SNAI2: variants seen among roughly 807,000 people sequenced by gnomAD.
SNAI2 encodes snail family transcriptional repressor 2.
SNAI2 carries 2 observed loss-of-function variants against 22.4 expected under a neutral mutation model. The observed-to-expected ratio is 0.09, with a 90% CI of 0.04 to 0.28. The LOEUF (loss-of-function observed/expected upper bound fraction) is 0.28, where lower values mean the gene tolerates loss of function less well. SNAI2 is among the 10% of genes least tolerant of loss of function. SNAI2 has a pLI of 1.00. For missense variants in SNAI2, 239 were observed against 320.8 expected, an observed-to-expected ratio of 0.75 and a Z score of 1.95; for synonymous variants, 134 against 123.0, an observed-to-expected ratio of 1.09 and a Z score of -0.59.
At position 48,920,133 on chromosome 8, in the gene SNAI2, A is replaced by G. The variant is rs1218100937; in HGVS notation, c.388T>C (p.Cys130Arg). The change falls in exon 2 of 3, where the codon TGC becomes CGC. Residue 130 changes from cysteine (C) to arginine (R), a missense_variant. Cys to Arg is a radical substitution (Grantham distance 180, BLOSUM62 -3). Coordinates refer to ENST00000020945, the MANE Select transcript of SNAI2 (RefSeq NM_003068.5). ...GAATAGGTCTTATTGCATAAATTGC[A>G]CTGAAACTTTTCAGCTTCAATGGCA... ...PHAIEAEKFQ[C>R]NLCNKTYSTF... is the part of the protein sequence containing the mutation. 1 of 1,614,236 alleles carries G rather than the reference A, an allele frequency of 6.2e-7. No individual in the cohort carries two copies. Among genetic ancestry groups the G allele is most frequent in the South Asian group, 1.1e-5 (1 of 91,086 alleles).
At chr8:48,920,589 C>T in intron 1 of SNAI2, 148 bp from the exon 2 acceptor site, 1 of 742,114 alleles carries the variant, frequency 1.3e-6, no homozygotes, top group Admixed American at 2.1e-5. Flanking sequence ...AGGGCATACA[C>T]ACTGGTAAAA....
At position 48,918,885 on chromosome 8, in the gene SNAI2, G is replaced by A. The variant is rs886062985; in HGVS notation, c.729C>T (p.Cys243=). 6.2e-7 allele frequency: 1 copy of A among 1,614,072 alleles called. No homozygotes were observed. Among genetic ancestry groups the A allele is most frequent in the Admixed American group, 1.7e-5 (1 of 60,018 alleles). ...TGGAGAAGGTTTTGGAGCAGTTTTT[G>A]CACTGGTATTTCTTTACATCAGAAT... The part of the protein sequence containing the change: ...QTHSDVKKYQ[C]KNCSKTFSRM... Residue 243 remains cysteine, a synonymous_variant, in exon 3 of 3, where the codon TGC becomes TGT. Coordinates refer to ENST00000020945, the MANE Select transcript of SNAI2 (RefSeq NM_003068.5).
In SNAI2 at chr8:48,918,266, T is replaced by TA. The variant is rs1411829981; in HGVS notation, c.*540dup. 1.3e-5 allele frequency: 2 copies of TA among 153,202 alleles called. No homozygotes were observed. Among genetic ancestry groups the TA allele is most frequent in the Non-Finnish European group, 2.9e-5 (2 of 68,712 alleles). 9.5% of individuals were successfully genotyped at this position (153,202 alleles called of 1,614,324 possible). ...ATTTTTTTCCTCCCTTTTAAAAATA[T>TA]ACTTTAAAGCACTACAGGTAATCAA... On this transcript the variant is annotated 3_prime_UTR_variant, in exon 3 of 3. Transcript: ENST00000020945.
intron 2 of SNAI2, 61 bp from the exon 3 acceptor site, chr8:48,919,049 T>C: frequency 6.6e-7 from 1 of 1,517,050 alleles, no homozygotes; most frequent in South Asian, 1.1e-5. Context: ...AAACATAAAG[T>C]AAAATCATGT....
At chr8:48,919,846 G>A (rs754010367) in intron 2 of SNAI2, 50 bp downstream of exon 2, 1 of 1,572,478 alleles carries the variant, frequency 6.4e-7, no homozygotes, top group South Asian at 1.1e-5. Context: ...GCCAGCCCAG[G>A]GCTTCATTGT....
chr8:48,920,026 G>T lies in SNAI2; in HGVS notation c.495C>A (p.Asp165Glu). The T allele has an allele frequency of 6.2e-7, 1 of 1,614,226 alleles. No individual in the cohort carries two copies. Among genetic ancestry groups the T allele is most frequent in the Non-Finnish European group, 8.5e-7 (1 of 1,180,046 alleles). The change falls in exon 2 of 3, where the codon GAC (aspartate) becomes GAA (glutamate). Residue 165 changes from aspartate (D) to glutamate (E), a missense_variant. Transcript: ENST00000020945. ...GGGCGCCCAGGCTCACATATTCCTT[G>T]TCACAGTATTTACAGCTGAAAGATT... is the stretch of plus-strand genomic sequence containing the variant. The part of the protein sequence containing the change: ...SRKSFSCKYC[D>E]KEYVSLGALK...
At chr8:48,919,845 G>A in intron 2 of SNAI2, 51 bp downstream of exon 2, 1 of 1,573,022 alleles carries the variant, frequency 6.4e-7, no homozygotes, top group Non-Finnish European at 8.7e-7. Flanking sequence ...AGCCAGCCCA[G>A]GGCTTCATTG....
intron 2 of SNAI2, 57 bp from the exon 3 acceptor site, chr8:48,919,045 A>C: frequency 6.5e-7 from 1 of 1,544,204 alleles, no homozygotes; most frequent in Non-Finnish European, 8.9e-7. Flanking sequence ...GAGGAAACAT[A>C]AAGTAAAATC....
chr8:48,918,189 C>T lies in SNAI2; in HGVS notation c.*618G>A, dbSNP rs1024559516. On this transcript the variant is annotated 3_prime_UTR_variant, in exon 3 of 3. Coordinates refer to ENST00000020945, the MANE Select transcript of SNAI2 (RefSeq NM_003068.5). The stretch of plus-strand genomic sequence containing the variant: ...GGCACATACTGTTAATTGGCAAAAA[C>T]AAAACAAAACAAAAATACTTTTAAT... 1.5e-4 allele frequency: 23 copies of T among 152,500 alleles called. No homozygotes were observed. The highest frequency in any genetic ancestry group is 5.5e-4 in the African/African-American group (23 of 41,558). The allele number at this position is 152,500 out of a possible 1,614,324, so 9.4% of individuals were successfully genotyped here.
chr8:48,920,403 G>A lies in SNAI2; in HGVS notation c.118C>T (p.Pro40Ser), dbSNP rs891783277. 3.1e-6 allele frequency: 5 copies of A among 1,614,114 alleles called. No individual in the cohort carries two copies. Among genetic ancestry groups the A allele is most frequent in the South Asian group, 1.1e-5 (1 of 91,078 alleles). The change falls in exon 2 of 3, where the codon CCT becomes TCT. Residue 40 changes from proline to serine, a missense_variant. Coordinates refer to ENST00000020945, the MANE Select transcript of SNAI2 (RefSeq NM_003068.5). Reference protein sequence around the residue: ...SPYLYESYSMPVIPQPEILSS... With the variant: ...SPYLYESYSMSVIPQPEILSS... ...AGGATCTCTGGTTGTGGTATGACAG[G>A]CATGGAGTAACTCTCATAGAGATAC...
chr8:48,921,387 G>C lies in SNAI2; in HGVS notation c.-122C>G, dbSNP rs1252010402. 1 of 780,796 alleles carries C rather than the reference G, an allele frequency of 1.3e-6. No homozygotes were observed. Among genetic ancestry groups the C allele is most frequent in the African/African-American group, 1.7e-5 (1 of 59,202 alleles). 48.4% of individuals were successfully genotyped at this position (780,796 alleles called of 1,614,324 possible). A position where few individuals can be genotyped will look rare whatever the true frequency, so the allele number is the denominator to read the frequency against. On this transcript the variant is annotated 5_prime_UTR_variant, in exon 1 of 3. Transcript: ENST00000020945. ...GGGCCGTGCTCAGGTGCGGCAGACG[G>C]ACGGGCCGGCGCCTCTGAAGTCACC...
rs752754350 is a variant in SNAI2 at position 48,918,994 on chromosome 8, G to A, written c.626-6C>T. On this transcript the variant is annotated splice_polypyrimidine_tract_variant and splice_region_variant and intron_variant, in intron 2 of 2. Coordinates refer to ENST00000020945, the MANE Select transcript of SNAI2 (RefSeq NM_003068.5). ...GCAAGAAAAAGGCTTCTCCCCTGGGGGTGGAGTGGGAGAAAAAAAGAAAGA... is the reference window on the plus strand; with the variant it reads ...GCAAGAAAAAGGCTTCTCCCCTGGGAGTGGAGTGGGAGAAAAAAAGAAAGA... 2 of 1,613,026 alleles carry A rather than the reference G, an allele frequency of 1.2e-6. No homozygotes were observed. The highest frequency in any genetic ancestry group is 8.5e-7 in the Non-Finnish European group (1 of 1,179,746).
chr8:48,921,125 A>C, intron 1 of SNAI2, 62 bp downstream of exon 1: 1 of 1,164,070 alleles, frequency 8.6e-7, no homozygotes, highest in East Asian at 2.3e-5. Flanking sequence ...GAAGGGTAAT[A>C]CGTAGATTCA....
intron 2 of SNAI2, among the ~76,000 whole-genome samples, chr8:48,919,320 C>T (rs1806125467): frequency 1.3e-5 from 2 of 152,184 alleles, no homozygotes; most frequent in Admixed American, 1.3e-4. Context: ...CCCAATATTT[C>T]CCCTTTTCCC....
chr8:48,920,544 G>T (rs960144287), intron 1 of SNAI2, 103 bp from the exon 2 acceptor site: 3 of 1,077,016 alleles, frequency 2.8e-6, no homozygotes, highest in Non-Finnish European at 4.2e-6. Context: ...CAACACACAC[G>T]TGATTTTCTT....
chr8:48,921,286 G>A lies in SNAI2; in HGVS notation c.-21C>T. On this transcript the variant is annotated 5_prime_UTR_variant, in exon 1 of 3. Transcript: ENST00000020945. Reference sequence around the variant, plus strand: ...GGCATCTTGCCAGCGGGTCTGGCGGGCGCCCGGCGCGGATAACGGTCCGGC... The same window carrying A: ...GGCATCTTGCCAGCGGGTCTGGCGGACGCCCGGCGCGGATAACGGTCCGGC... The A allele has an allele frequency of 1.2e-6, 2 of 1,602,804 alleles. No individual in the cohort carries two copies. Among genetic ancestry groups the A allele is most frequent in the Non-Finnish European group, 8.5e-7 (1 of 1,172,888 alleles).
chr8:48,919,956 T>A lies in SNAI2; in HGVS notation c.565A>T (p.Ile189Phe). ...GGTCTGGAAAACGCCTTGCCGCAGA[T>A]CTTGCAAACACAAGGTAATGTGTGG... ...RTHTLPCVCK[I>F]CGKAFSRPWL... Residue 189 changes from isoleucine (I) to phenylalanine (F), a missense_variant, in exon 2 of 3, where the codon ATC becomes TTC. Coordinates refer to ENST00000020945, the MANE Select transcript of SNAI2 (RefSeq NM_003068.5). 2 of 1,614,204 alleles carry A rather than the reference T, an allele frequency of 1.2e-6. No individual in the cohort carries two copies. Among genetic ancestry groups the A allele is most frequent in the South Asian group, 1.1e-5 (1 of 91,074 alleles).
At position 48,920,077 on chromosome 8, in the gene SNAI2, C is replaced by G; in HGVS notation, c.444G>C (p.Gln148His). ...STFSGLAKHK[Q>H]LHCDAQSRKS... ...TTCTAGACTGGGCATCGCAGTGCAGCTGCTTATGTTTGGCCAGCCCAGAAA... is the reference window on the plus strand; with the variant it reads ...TTCTAGACTGGGCATCGCAGTGCAGGTGCTTATGTTTGGCCAGCCCAGAAA... Residue 148 changes from glutamine to histidine, a missense_variant, in exon 2 of 3, where the codon CAG becomes CAC. Gln to His is a conservative substitution (Grantham distance 24, BLOSUM62 0). Around this residue, in one of 3 missense-constraint regions of SNAI2, gnomAD observed 183 missense variants for 190.4 expected, o/e 0.96. Coordinates refer to ENST00000020945, the MANE Select transcript of SNAI2 (RefSeq NM_003068.5). 6.2e-7 allele frequency: 1 copy of G among 1,614,204 alleles called. No homozygotes were observed. Among genetic ancestry groups the G allele is most frequent in the Non-Finnish European group, 8.5e-7 (1 of 1,180,044 alleles).
chr8:48,918,516 C>A lies in SNAI2; in HGVS notation c.*291G>T. On this transcript the variant is annotated 3_prime_UTR_variant, in exon 3 of 3. Coordinates refer to ENST00000020945, the MANE Select transcript of SNAI2 (RefSeq NM_003068.5). ...GGAAGAAAAGATGCAATGTGCTTTT[C>A]ATTTTATCTTTGAAGAGAAAGGTTA... The A allele has an allele frequency of 2.5e-6, 1 of 396,164 alleles. No individual in the cohort carries two copies. Among genetic ancestry groups the A allele is most frequent in the South Asian group, 3.0e-5 (1 of 33,364 alleles). The allele number at this position is 396,164 out of a possible 1,614,324, so 24.5% of individuals were successfully genotyped here.
Sources: gnomAD v4.1 joint callset for allele counts (sites outside exome capture counted in the v4.1 genomes callset) on GRCh38, gnomAD v4.1.1 for gene constraint, gnomAD v4.1.1 regional missense constraint, MANE v1.5 for transcripts, NCBI Gene and HGNC (gene_info 2026-07-23, HGNC 2026-07-21) for gene names.